The following INTS2 variants were observed in gnomAD, a reference collection of about 807,000 sequenced individuals.
The protein encoded by INTS2 is KIAA1287.
Under a neutral mutation model 139.6 loss-of-function variants are expected in INTS2, and 57 were observed. The ratio of observed to expected loss-of-function variants is 0.41; its 90% confidence interval spans 0.33 to 0.51. The LOEUF (loss-of-function observed/expected upper bound fraction) is 0.51. Ranked by LOEUF, INTS2 falls within the 20% of genes least tolerant of loss-of-function variation. The pLI is 0.28. For missense variants in INTS2, 1,196 were observed against 1,436.7 expected, an observed-to-expected ratio of 0.83 and a Z score of 2.71; for synonymous variants, 473 against 493.4, an observed-to-expected ratio of 0.96 and a Z score of 0.55.
At chr17:61,890,983 C>CAAAAAAAAA (rs753902456) in intron 14 of INTS2, among the ~76,000 whole-genome samples, 2 of 11,320 alleles carry the variant, frequency 1.8e-4, no homozygotes, top group African/African-American at 6.7e-4. Context: ...ACTCCAGTCT[C>CAAAAAAAAA]AAAAAAAAAA....
rs1318723499 is a variant in INTS2, at chr17:61,893,914, T to C, written c.1564-15A>G. 1 of 1,522,638 alleles carries C rather than the reference T, an allele frequency of 6.6e-7. No homozygotes were observed. The highest frequency in any genetic ancestry group is 1.4e-5 in the African/African-American group (1 of 72,404). 94.3% of individuals were successfully genotyped at this position (1,522,638 alleles called of 1,614,324 possible). A position where few individuals can be genotyped will look rare whatever the true frequency, so the allele number is the denominator to read the frequency against. On this transcript the variant is annotated splice_polypyrimidine_tract_variant and intron_variant, in intron 12 of 24. Coordinates refer to ENST00000251334, the MANE Select transcript of INTS2 (RefSeq NM_001351695.2). The surrounding 1 kb of genome is among the most constrained non-coding windows in gnomAD (Gnocchi z 5.4). ...GCTGTGACAACCTAAAAGGGAAAAA[T>C]AGCATTAGTAATATAATAGAACTAA...
chr17:61,884,555 A>ATTT (rs956366893), intron 16 of INTS2, among the ~76,000 whole-genome samples: 1 of 148,968 alleles, frequency 6.7e-6, no homozygotes, highest in Non-Finnish European at 1.5e-5. Context: ...AGTTAAAAAA[A>ATTT]TTTTTTTTTT....
At chr17:61,892,130 T>C (rs1349093047) in intron 13 of INTS2, among the ~76,000 whole-genome samples, 2 of 152,144 alleles carry the variant, frequency 1.3e-5, no homozygotes, top group Non-Finnish European at 2.9e-5. Flanking sequence ...TTAACTATCA[T>C]TGGATGGAGG....
chr17:61,893,746 T>C lies in INTS2; in HGVS notation c.1698+19A>G. 6.5e-7 allele frequency: 1 copy of C among 1,529,832 alleles called. No homozygotes were observed. The highest frequency in any genetic ancestry group is 1.4e-5 in the South Asian group (1 of 73,980). The allele number at this position is 1,529,832 out of a possible 1,614,324, so 94.8% of individuals were successfully genotyped here. A position where few individuals can be genotyped will look rare whatever the true frequency, so the allele number is the denominator to read the frequency against. ...ATGTAGGGGCATGCTTTTATTTTGTTTTATTTGTAGGGGCATACTTTTATT... is the reference window on the plus strand; with the variant it reads ...ATGTAGGGGCATGCTTTTATTTTGTCTTATTTGTAGGGGCATACTTTTATT... On this transcript the variant is annotated intron_variant, in intron 13 of 24. Coordinates refer to ENST00000251334, the MANE Select transcript of INTS2 (RefSeq NM_001351695.2). The surrounding 1 kb of genome is among the most constrained non-coding windows in gnomAD (Gnocchi z 5.4).
At chr17:61,911,825 C>T in intron 6 of INTS2, 115 bp downstream of exon 6, 1 of 1,403,064 alleles carries the variant, frequency 7.1e-7, no homozygotes, top group Non-Finnish European at 9.7e-7. Context: ...AGGAAGGTAA[C>T]ATATCCAGTA....
At chr17:61,920,180 C>CTTTT (rs772038233) in intron 4 of INTS2, among the ~76,000 whole-genome samples, 11 of 119,140 alleles carry the variant, frequency 9.2e-5, no homozygotes, top group East Asian at 5.0e-4. Context: ...ATCTTATTTG[C>CTTTT]TTTTTTTTTT....
chr17:61,866,026 T>C lies in INTS2; in HGVS notation c.*1531A>G, dbSNP rs2079042903. 6.6e-6 allele frequency: 1 copy of C among 152,428 alleles called. No homozygotes were observed. Among genetic ancestry groups the C allele is most frequent in the African/African-American group, 2.4e-5 (1 of 41,412 alleles). The allele number at this position is 152,428 out of a possible 1,614,324, so 9.4% of individuals were successfully genotyped here. ...GTGAAAAGGCTAAAGTTAAATTTCATTTCTCAAAAACTACACCTTCTTATT... is the reference window on the plus strand; with the variant it reads ...GTGAAAAGGCTAAAGTTAAATTTCACTTCTCAAAAACTACACCTTCTTATT... On this transcript the variant is annotated 3_prime_UTR_variant, in exon 25 of 25. Coordinates refer to ENST00000251334, the MANE Select transcript of INTS2 (RefSeq NM_001351695.2).
chr17:61,926,803 C>T, intron 1 of INTS2, 141 bp from the exon 2 acceptor site: 1 of 708,492 alleles, frequency 1.4e-6, no homozygotes, highest in East Asian at 2.7e-5. Flanking sequence ...CAAGACAAGG[C>T]TTCTCTGTCT....
In INTS2 at chr17:61,866,930, A is replaced by C. The variant is rs2079050593; in HGVS notation, c.*627T>G. 6.6e-6 allele frequency: 1 copy of C among 152,192 alleles called. No individual in the cohort carries two copies. The highest frequency in any genetic ancestry group is 2.4e-5 in the African/African-American group (1 of 41,456). The allele number at this position is 152,192 out of a possible 1,614,324, so 9.4% of individuals were successfully genotyped here. ...ATAAAAATTGAAGCAAATATGTGAA[A>C]TCTTTAAATCCTCATCTGTATTTCC... is the stretch of plus-strand genomic sequence containing the variant. On this transcript the variant is annotated 3_prime_UTR_variant, in exon 25 of 25. Transcript: ENST00000251334.
chr17:61,880,499 C>G (rs1445900828), intron 17 of INTS2, among the ~76,000 whole-genome samples: 2 of 152,174 alleles, frequency 1.3e-5, no homozygotes, highest in Middle Eastern at 3.4e-3. Context: ...ACACCTTAAT[C>G]CTAGCACTCT....
Position 61,875,378 on chromosome 17 carries a change from C to T in INTS2, c.2457-340G>A, listed in dbSNP as rs992941167. Among the ~76,000 whole-genome samples the T allele has an allele frequency of 2.1e-4, 32 of 152,228 alleles. No homozygotes were observed. Among genetic ancestry groups the T allele is most frequent in the African/African-American group, 7.5e-4 (31 of 41,554 alleles). On this transcript the variant is annotated intron_variant, in intron 18 of 24. Coordinates refer to ENST00000251334, the MANE Select transcript of INTS2 (RefSeq NM_001351695.2). This position sits in a 1 kb window ranked among gnomAD's most constrained non-coding sequence, Gnocchi z 4.6. ...ACTGAGGCTCTCTAAACTGTTTCCT[C>T]GTCTGTAAAATAGAAATGACATAAT...
In INTS2 at chr17:61,866,966, T is replaced by C. The variant is rs1555619946; in HGVS notation, c.*591A>G. ...CTCATCTGTATTTCCACAGAAATCA[T>C]TTACAAAAGCTACTTGCCTTTTTAA... On this transcript the variant is annotated 3_prime_UTR_variant, in exon 25 of 25. Coordinates refer to ENST00000251334, the MANE Select transcript of INTS2 (RefSeq NM_001351695.2). The C allele has an allele frequency of 6.6e-6, 1 of 152,222 alleles. No individual in the cohort carries two copies. The highest frequency in any genetic ancestry group is 1.5e-5 in the Non-Finnish European group (1 of 68,042). The allele number at this position is 152,222 out of a possible 1,614,324, so 9.4% of individuals were successfully genotyped here. A position where few individuals can be genotyped will look rare whatever the true frequency, so the allele number is the denominator to read the frequency against.
chr17:61,912,281 G>C (rs1261285555), intron 5 of INTS2, among the ~76,000 whole-genome samples: 1 of 149,820 alleles, frequency 6.7e-6, no homozygotes, highest in African/African-American at 2.5e-5. Flanking sequence ...GTCCCAGAGA[G>C]ACAAAGAAAG....
At chr17:61,914,890 C>T (rs2079564112) in intron 5 of INTS2, among the ~76,000 whole-genome samples, 1 of 147,446 alleles carries the variant, frequency 6.8e-6, no homozygotes, top group South Asian at 2.1e-4. Flanking sequence ...AAAAAAAAAG[C>T]GTATTTTGGA....
At position 61,919,512 on chromosome 17, in the gene INTS2, C is replaced by T. The variant is rs2079617485; in HGVS notation, c.537G>A (p.Glu179=). 1 of 1,538,710 alleles carries T rather than the reference C, an allele frequency of 6.5e-7. No individual in the cohort carries two copies. Among genetic ancestry groups the T allele is most frequent in the East Asian group, 2.3e-5 (1 of 43,872 alleles). The change falls in exon 5 of 25, where the codon GAG becomes GAA. Residue 179 remains glutamate, a splice_region_variant and synonymous_variant. Transcript: ENST00000251334. The part of the protein sequence containing the change: ...AADVLCILQA[E]LPSLLPIVDV... ...CAACTATAGGGAGCAAGGAAGGGAG[C>T]TCTACAAGAAAACAAAGTCAGTGTT...
chr17:61,897,289 C>CG lies in INTS2; in HGVS notation c.1494+179_1494+180insC, dbSNP rs2079359274. ...TTTTCTGTGCTTTCCAAGGTTTTTG[C>CG]ATGAGTATCTATTATTTTAGTAAAT... is the stretch of plus-strand genomic sequence containing the variant. On this transcript the variant is annotated intron_variant, in intron 11 of 24. Coordinates refer to ENST00000251334, the MANE Select transcript of INTS2 (RefSeq NM_001351695.2). The surrounding 1 kb of genome is among the most constrained non-coding windows in gnomAD (Gnocchi z 4.4). 6.6e-6 allele frequency among the ~76,000 whole-genome samples: 1 copy of CG among 152,050 alleles called. No individual in the cohort carries two copies. Among genetic ancestry groups the CG allele is most frequent in the Non-Finnish European group, 1.5e-5 (1 of 67,998 alleles).
rs1319132132 is a variant in INTS2, at chr17:61,872,671, T to A, written c.2583-211A>T. ...TATATAAATAGTATTACTTGTTTCATCTTATCAGCTAAAGTCAAATATGTA... is the reference window on the plus strand; with the variant it reads ...TATATAAATAGTATTACTTGTTTCAACTTATCAGCTAAAGTCAAATATGTA... On this transcript the variant is annotated intron_variant, in intron 19 of 24. Transcript: ENST00000251334. The surrounding 1 kb of genome is among the most constrained non-coding windows in gnomAD (Gnocchi z 4.8). 2.0e-5 allele frequency among the ~76,000 whole-genome samples: 3 copies of A among 152,208 alleles called. No homozygotes were observed. Among genetic ancestry groups the A allele is most frequent in the African/African-American group, 7.2e-5 (3 of 41,454 alleles).
chr17:61,918,114 G>T (rs2079601736), intron 5 of INTS2, among the ~76,000 whole-genome samples: 1 of 152,134 alleles, frequency 6.6e-6, no homozygotes, highest in African/African-American at 2.4e-5. Flanking sequence ...AGAACAAGTT[G>T]ACAAAAAATC....
intron 5 of INTS2, among the ~76,000 whole-genome samples, chr17:61,918,603 C>T (rs1057411659): frequency 6.6e-6 from 1 of 152,124 alleles, no homozygotes; most frequent in Non-Finnish European, 1.5e-5. Flanking sequence ...GGAATTATAA[C>T]TCCAGTACTT....
Sources: gnomAD v4.1 joint callset for allele counts (sites outside exome capture counted in the v4.1 genomes callset) on GRCh38, gnomAD v4.1.1 for gene constraint, Gnocchi (gnomAD v3.1) non-coding constraint, MANE v1.5 for transcripts, NCBI Gene and HGNC (gene_info 2026-07-23, HGNC 2026-07-21) for gene names.